Variants in BEND5 observed in about 807,000 individuals in gnomAD.
BEND5 encodes BEN domain containing 5.
A neutral mutation model predicts 43.9 loss-of-function variants in BEND5; 22 were observed. The observed-to-expected ratio is 0.50, with a 90% CI of 0.36 to 0.72. BEND5 has a LOEUF of 0.72. Ranked by LOEUF, BEND5 falls within the 30% of genes least tolerant of loss-of-function variation. The probability of loss-of-function intolerance (pLI) is 0.00; values close to 1 mark genes in which losing one functional copy is unlikely to be tolerated. For synonymous variants in BEND5, 228 were observed against 225.9 expected, an observed-to-expected ratio of 1.01 and a Z score of -0.08; for missense variants, 428 against 550.6, an observed-to-expected ratio of 0.78 and a Z score of 2.23.
chr1:48,774,221 C>T (rs1644968988), intron 1 of BEND5, among the ~76,000 whole-genome samples: 2 of 152,218 alleles, frequency 1.3e-5, no homozygotes, highest in Admixed American at 1.3e-4. Flanking sequence ...GGGGATTCCT[C>T]CTCACACCTG....
At position 48,761,159 on chromosome 1, in the gene BEND5, T is replaced by C. The variant is rs571119358; in HGVS notation, c.360+178A>G. 8 of 650,304 alleles carry C rather than the reference T, an allele frequency of 1.2e-5. No homozygotes were observed. The South Asian group carries it at 1.2e-4, about 10-fold the overall frequency. The allele number at this position is 650,304 out of a possible 1,614,324, so 40.3% of individuals were successfully genotyped here. ...GCATGAATCAGGGCTCTCTAGAAAG[T>C]TGGCCAGCAAGGCAAATACACACGA... On this transcript the variant is annotated intron_variant, in intron 2 of 5. Coordinates refer to ENST00000371833, the MANE Select transcript of BEND5 (RefSeq NM_024603.4).
Position 48,727,998 on chromosome 1 carries a change from T to G in BEND5, c.1154A>C (p.Glu385Ala). The change falls in exon 6 of 6, where the codon GAA (glutamate) becomes GCA (alanine). Residue 385 changes from glutamate to alanine, a missense_variant. By Grantham distance (107) the Glu-to-Ala change is moderately radical. This residue lies in a region of BEND5 where 75 missense variants were observed against 148.5 expected (regional missense o/e 0.50). Transcript: ENST00000371833. ...GACTTTGGAGAGTCTCTGTGCAATTTCAGTTTCATCCACAGTTTCTTGTGC... is the reference window on the plus strand; with the variant it reads ...GACTTTGGAGAGTCTCTGTGCAATTGCAGTTTCATCCACAGTTTCTTGTGC... ...RIAQETVDETEIAQRLSKVNK... is the reference protein window; with the variant it reads ...RIAQETVDETAIAQRLSKVNK... 6.2e-7 allele frequency: 1 copy of G among 1,612,470 alleles called. No individual in the cohort carries two copies. The highest frequency in any genetic ancestry group is 8.5e-7 in the Non-Finnish European group (1 of 1,178,892).
intron 5 of BEND5, among the ~76,000 whole-genome samples, chr1:48,734,543 GAC>G (rs1648703878): frequency 6.6e-6 from 1 of 152,116 alleles, no homozygotes; most frequent in African/African-American, 2.4e-5. Flanking sequence ...AGCCCTACAA[GAC>G]AGGCTCTCGC....
chr1:48,740,115 A>G (rs924813926), intron 4 of BEND5, among the ~76,000 whole-genome samples: 1 of 152,228 alleles, frequency 6.6e-6, no homozygotes, highest in Non-Finnish European at 1.5e-5. Flanking sequence ...GGAGATGAAA[A>G]TATTTTCTGA....
At chr1:48,765,875 C>CAAA (rs1644503816) in intron 1 of BEND5, among the ~76,000 whole-genome samples, 1 of 152,044 alleles carries the variant, frequency 6.6e-6, no homozygotes, top group African/African-American at 2.4e-5. Context: ...TCCATAGAGA[C>CAAA]AAAAAGTAGT....
At chr1:48,773,647 A>G (rs995159061) in intron 1 of BEND5, among the ~76,000 whole-genome samples, 1 of 152,214 alleles carries the variant, frequency 6.6e-6, no homozygotes, top group Non-Finnish European at 1.5e-5. Context: ...ACTCCTTCCA[A>G]ATCATGCTGT....
At chr1:48,739,044 C>T (rs1358826663) in intron 4 of BEND5, among the ~76,000 whole-genome samples, 1 of 152,174 alleles carries the variant, frequency 6.6e-6, no homozygotes, top group African/African-American at 2.4e-5. Context: ...TTGCTGCCAC[C>T]ACGGTGGTAC....
chr1:48,763,804 C>T (rs1343805151), intron 1 of BEND5, among the ~76,000 whole-genome samples: 1 of 152,156 alleles, frequency 6.6e-6, no homozygotes, highest in Non-Finnish European at 1.5e-5. Flanking sequence ...ATGAGAAAAA[C>T]AAGGTTCTAA....
At chr1:48,734,614 C>G (rs979205386) in intron 5 of BEND5, among the ~76,000 whole-genome samples, 1 of 152,200 alleles carries the variant, frequency 6.6e-6, no homozygotes, top group Non-Finnish European at 1.5e-5. Flanking sequence ...TTCTTCACAC[C>G]CGGAGCATGC....
Position 48,742,763 on chromosome 1 carries a change from T to A in BEND5, c.754A>T (p.Ile252Phe). 1 of 1,598,918 alleles carries A rather than the reference T, an allele frequency of 6.3e-7. No individual in the cohort carries two copies. Among genetic ancestry groups the A allele is most frequent in the South Asian group, 1.1e-5 (1 of 88,708 alleles). ...LLLRLGSGPAIDLEKVKSECL... is the reference protein window; with the variant it reads ...LLLRLGSGPAFDLEKVKSECL... ...TCTGACTTTACTTTTTCCAGATCAA[T>A]GGCGGGACCTAGGCAGTTAAGAAAA... is the stretch of plus-strand genomic sequence containing the variant. The change falls in exon 4 of 6, where the codon ATT becomes TTT. Residue 252 changes from isoleucine (I) to phenylalanine (F), a missense_variant. By Grantham distance (21) the Ile-to-Phe change is conservative. Coordinates refer to ENST00000371833, the MANE Select transcript of BEND5 (RefSeq NM_024603.4).
At chr1:48,763,047 G>T (rs140571463) in intron 1 of BEND5, among the ~76,000 whole-genome samples, 2 of 152,244 alleles carry the variant, frequency 1.3e-5, no homozygotes, top group East Asian at 3.9e-4. Flanking sequence ...TATTATCAAT[G>T]TGTTCTGAAT....
intron 5 of BEND5, among the ~76,000 whole-genome samples, chr1:48,730,905 C>A (rs2148555499): frequency 6.6e-6 from 1 of 152,328 alleles, no homozygotes; most frequent in African/African-American, 2.4e-5. Context: ...ATAGGTTTAA[C>A]TGTCATTCTG....
chr1:48,770,925 C>A (rs1251806463), intron 1 of BEND5, among the ~76,000 whole-genome samples: 1 of 152,176 alleles, frequency 6.6e-6, no homozygotes, highest in South Asian at 2.1e-4. Context: ...CAAGTCCAGT[C>A]CATGTGGGAA....
chr1:48,733,457 G>A (rs1159365707), intron 5 of BEND5, among the ~76,000 whole-genome samples: 3 of 152,144 alleles, frequency 2.0e-5, no homozygotes, highest in Non-Finnish European at 4.4e-5. Context: ...GAAGAGACAA[G>A]GCCTATCTCT....
At position 48,736,488 on chromosome 1, in the gene BEND5, C is replaced by G. The variant is rs145843040; in HGVS notation, c.895-36G>C. The G allele has an allele frequency of 2.5e-6, 4 of 1,579,052 alleles. No homozygotes were observed. The highest frequency in any genetic ancestry group is 3.5e-6 in the Non-Finnish European group (4 of 1,149,692). ...TAAGAACACCAGCACCTGTTTAGTC[C>G]GACAGGAGGGCAGTGGGAGGCTTCT... On this transcript the variant is annotated intron_variant, in intron 4 of 5. Transcript: ENST00000371833. The surrounding 1 kb of genome is among the most constrained non-coding windows in gnomAD (Gnocchi z 4.0).
intron 4 of BEND5, 102 bp downstream of exon 4, chr1:48,742,521 C>G: frequency 8.0e-7 from 1 of 1,246,302 alleles, no homozygotes; most frequent in Admixed American, 3.0e-5. Context: ...GCCAGGAGGC[C>G]AACCAGTCAA....
chr1:48,772,879 C>T lies in BEND5; in HGVS notation c.226+3727G>A, dbSNP rs143798840. Among the ~76,000 whole-genome samples, 7 of 152,170 alleles carry T rather than the reference C, an allele frequency of 4.6e-5. No individual in the cohort carries two copies. In the East Asian group the frequency reaches 9.7e-4, roughly 21 times the overall value. ...TGAATTGGTCCATTCTCTGTGTTTC[C>T]CCAGTGCCTGGCTTCTACCTTTATT... On this transcript the variant is annotated intron_variant, in intron 1 of 5. Transcript: ENST00000371833.
intron 5 of BEND5, among the ~76,000 whole-genome samples, chr1:48,731,839 C>G (rs1408431805): frequency 1.3e-5 from 2 of 152,146 alleles, no homozygotes; most frequent in Admixed American, 1.3e-4. Flanking sequence ...GAAGCTTACC[C>G]TTCAACAGTG....
chr1:48,727,802 TG>T lies in BEND5; in HGVS notation c.*83del. On this transcript the variant is annotated 3_prime_UTR_variant, in exon 6 of 6. Coordinates refer to ENST00000371833, the MANE Select transcript of BEND5 (RefSeq NM_024603.4). ...CCTGCACACACACCACCATGCACGG[TG>T]GGGTCTGATTTGGACGGCACCATCG... 7.5e-7 allele frequency: 1 copy of T among 1,341,298 alleles called. No individual in the cohort carries two copies. Among genetic ancestry groups the T allele is most frequent in the African/African-American group, 1.4e-5 (1 of 69,084 alleles). The allele number at this position is 1,341,298 out of a possible 1,614,324, so 83.1% of individuals were successfully genotyped here. A position where few individuals can be genotyped will look rare whatever the true frequency, so the allele number is the denominator to read the frequency against.
Sources: gnomAD v4.1 joint callset for allele counts (sites outside exome capture counted in the v4.1 genomes callset) on GRCh38, gnomAD v4.1.1 for gene constraint, gnomAD v4.1.1 regional missense constraint, Gnocchi (gnomAD v3.1) non-coding constraint, MANE v1.5 for transcripts, NCBI Gene and HGNC (gene_info 2026-07-23, HGNC 2026-07-21) for gene names.